SEC31A: variants seen among roughly 807,000 people sequenced by gnomAD.
The protein encoded by SEC31A is SEC31 homolog A, COPII component, also known as protein transport protein Sec31A.
In SEC31A, 70 loss-of-function variants were observed where a neutral mutation model predicts 151.0. The observed-to-expected ratio is 0.46, with a 90% CI of 0.38 to 0.57. The LOEUF is 0.57. Among genes scored for constraint, SEC31A ranks in the 20% least tolerant of loss-of-function variants. The pLI is 0.00. For synonymous variants in SEC31A, 475 were observed against 505.9 expected, an observed-to-expected ratio of 0.94 and a Z score of 0.82; for missense variants, 1,330 against 1,471.2, an observed-to-expected ratio of 0.90 and a Z score of 1.57.
At chr4:82,850,527 G>A (rs1010988073) in intron 19 of SEC31A, among the ~76,000 whole-genome samples, 2 of 151,638 alleles carry the variant, frequency 1.3e-5, no homozygotes, top group Admixed American at 1.3e-4. Flanking sequence ...AGAAACAATT[G>A]ACTAAAAAAA....
chr4:82,878,638 T>C, intron 4 of SEC31A, 92 bp downstream of exon 4: 1 of 1,094,222 alleles, frequency 9.1e-7, no homozygotes, highest in Non-Finnish European at 1.3e-6. Flanking sequence ...TTTTTTAACT[T>C]TCAATTCCAA....
At chr4:82,881,405 C>T (rs1214841024) in intron 2 of SEC31A, among the ~76,000 whole-genome samples, 1 of 151,494 alleles carries the variant, frequency 6.6e-6, no homozygotes, top group African/African-American at 2.4e-5. Flanking sequence ...GTGGAGCTTG[C>T]AGTGAGCAGA....
chr4:82,871,344 C>T (rs756883860), intron 7 of SEC31A: 3 of 1,511,460 alleles, frequency 2.0e-6, no homozygotes, highest in East Asian at 5.0e-5. Context: ...ACACAAGTAA[C>T]GTAGGTACAG....
intron 25 of SEC31A, among the ~76,000 whole-genome samples, chr4:82,822,606 T>A (rs999339505): frequency 3.3e-5 from 5 of 152,100 alleles, no homozygotes; most frequent in Admixed American, 1.3e-4. Context: ...ATAAGATACA[T>A]CCATGCTATA....
intron 10 of SEC31A, 53 bp downstream of exon 10, chr4:82,866,755 T>C (rs753632601): frequency 1.9e-5 from 28 of 1,496,120 alleles, no homozygotes; most frequent in Non-Finnish European, 2.3e-5. Context: ...TAATAACACT[T>C]TGGTATAAAA....
chr4:82,898,818 A>G (rs1456526325), intron 3 of SEC31A, among the ~76,000 whole-genome samples: 3 of 152,212 alleles, frequency 2.0e-5, no homozygotes, highest in African/African-American at 7.2e-5. Context: ...ATAATCTGGC[A>G]CTTCCTCAAG....
intron 4 of SEC31A, among the ~76,000 whole-genome samples, chr4:82,876,928 A>C (rs1738101717): frequency 6.6e-6 from 1 of 152,240 alleles, no homozygotes; most frequent in Non-Finnish European, 1.5e-5. Context: ...TTAGCTAAAG[A>C]GCAGATACCA....
In SEC31A at chr4:82,851,308, C is replaced by T. The variant is rs112823219; in HGVS notation, c.2328+123G>A. On this transcript the variant is annotated intron_variant, in intron 19 of 26. Transcript: ENST00000395310. ...ATTGTCAATAACATTTACCTGCAGT[C>T]AGGTTACAGAAATTCAACTGCTCCA... The T allele has an allele frequency of 1.0e-5, 7 of 692,694 alleles. No individual in the cohort carries two copies. In the South Asian group the frequency reaches 1.5e-4, roughly 15 times the overall value. 42.9% of individuals were successfully genotyped at this position (692,694 alleles called of 1,614,324 possible).
chr4:82,829,417 AAC>A (rs1248144048), intron 22 of SEC31A: 3 of 171,080 alleles, frequency 1.8e-5, no homozygotes, highest in Non-Finnish European at 3.7e-5. Context: ...AAAAAACAAA[AAC>A]AAACAAAAAA....
At chr4:82,833,278 C>T (rs1001665637) in intron 22 of SEC31A, among the ~76,000 whole-genome samples, 8 of 152,086 alleles carry the variant, frequency 5.3e-5, no homozygotes, top group East Asian at 3.9e-4. Flanking sequence ...AGCTGGAAAC[C>T]GTCATTCTCA....
intron 22 of SEC31A, among the ~76,000 whole-genome samples, chr4:82,835,670 A>G (rs1303542616): frequency 6.6e-6 from 1 of 152,088 alleles, no homozygotes; most frequent in Non-Finnish European, 1.5e-5. Flanking sequence ...TGGCACACAC[A>G]TGTAGTTCCA....
chr4:82,830,866 G>T, intron 22 of SEC31A: 1 of 604,980 alleles, frequency 1.7e-6, no homozygotes, highest in Non-Finnish European at 2.3e-6. Flanking sequence ...ATGCATTATT[G>T]TTAATGTCCA....
chr4:82,848,107 T>C (rs1730636796), intron 20 of SEC31A, among the ~76,000 whole-genome samples: 1 of 152,200 alleles, frequency 6.6e-6, no homozygotes, highest in African/African-American at 2.4e-5. Flanking sequence ...GGAAAAAATA[T>C]TCTTCATTTA....
chr4:82,896,887 C>T (rs192010734), intron 3 of SEC31A, among the ~76,000 whole-genome samples: 2 of 152,272 alleles, frequency 1.3e-5, no homozygotes, highest in African/African-American at 4.8e-5. Context: ...TTTTTATCCA[C>T]TATGATGAAT....
intron 20 of SEC31A, 142 bp downstream of exon 20, chr4:82,848,662 G>A: frequency 1.6e-6 from 1 of 613,700 alleles, no homozygotes; most frequent in Non-Finnish European, 2.6e-6. Context: ...ACAACTTCAA[G>A]ATTCTAGAAA....
intron 26 of SEC31A, among the ~76,000 whole-genome samples, chr4:82,820,064 T>C (rs1722982982): frequency 6.6e-6 from 1 of 151,624 alleles, no homozygotes; most frequent in East Asian, 1.9e-4. Context: ...GCCTGGCCTA[T>C]TTTGATCTCA....
chr4:82,862,895 T>C (rs1734507357), intron 12 of SEC31A, among the ~76,000 whole-genome samples: 1 of 152,194 alleles, frequency 6.6e-6, no homozygotes, highest in Admixed American at 6.5e-5. Context: ...TAAAGTTAAA[T>C]ATAAAACTCT....
At chr4:82,833,598 A>G (rs1726526606) in intron 22 of SEC31A, among the ~76,000 whole-genome samples, 1 of 152,186 alleles carries the variant, frequency 6.6e-6, no homozygotes, top group East Asian at 1.9e-4. Flanking sequence ...ACTACTTCTT[A>G]TAGGAAACCA....
chr4:82,840,062 T>C (rs1045376206), intron 22 of SEC31A, among the ~76,000 whole-genome samples: 11 of 152,220 alleles, frequency 7.2e-5, no homozygotes, highest in African/African-American at 2.7e-4. Flanking sequence ...GCTTTGAAGA[T>C]AGGGACCTGG....
Sources: allele counts gnomAD v4.1 joint callset (sites outside exome capture counted in the v4.1 genomes callset), GRCh38; gene constraint gnomAD v4.1.1; transcripts MANE v1.5; gene names NCBI Gene and HGNC (gene_info 2026-07-23, HGNC 2026-07-21).